ADH4: variants seen among roughly 807,000 people sequenced by gnomAD.
ADH4 encodes the protein alcohol dehydrogenase 4 (class II), pi polypeptide, also known as all-trans-retinol dehydrogenase [NAD(+)] ADH4.
ADH4 carries 31 observed loss-of-function variants against 35.2 expected under a neutral mutation model. That is an observed-to-expected ratio of 0.88 (90% confidence interval 0.66 to 1.19). The LOEUF (loss-of-function observed/expected upper bound fraction) is 1.19, where lower values mean the gene tolerates loss of function less well. ADH4 is among the 50% of genes most tolerant of loss of function. The probability of loss-of-function intolerance (pLI) is 0.00; values close to 1 mark genes in which losing one functional copy is unlikely to be tolerated. For synonymous variants in ADH4, 171 were observed against 160.2 expected, an observed-to-expected ratio of 1.07 and a Z score of -0.51; for missense variants, 476 against 458.3, an observed-to-expected ratio of 1.04 and a Z score of -0.35.
chr4:99,134,915 C>A (rs1729390195), intron 5 of ADH4, among the ~76,000 whole-genome samples: 1 of 150,966 alleles, frequency 6.6e-6, no homozygotes, highest in South Asian at 2.1e-4. Flanking sequence ...ATAAGAAGGA[C>A]TTTCTGGATT....
chr4:99,124,815 T>C (rs1729031870), intron 8 of ADH4, among the ~76,000 whole-genome samples: 1 of 152,116 alleles, frequency 6.6e-6, no homozygotes, highest in Non-Finnish European at 1.5e-5. Context: ...GAGGGCAAAG[T>C]TGAGCATTGA....
rs922299293 is a variant in ADH4 at position 99,142,671 on chromosome 4, C to A, written c.120+8G>T. The A allele has an allele frequency of 2.6e-6, 4 of 1,554,882 alleles. No individual in the cohort carries two copies. The Admixed American group carries it at 5.9e-5, about 23-fold the overall frequency. On this transcript the variant is annotated splice_region_variant and intron_variant, in intron 2 of 8. Transcript: ENST00000265512. ...GTCTGTTCCCACCCAAGGAAAGTCTCCACTTACCTGAATGCGAACTTCATG... is the reference window on the plus strand; with the variant it reads ...GTCTGTTCCCACCCAAGGAAAGTCTACACTTACCTGAATGCGAACTTCATG...
In ADH4 at chr4:99,124,294, A is replaced by G. The variant is rs1302627956; in HGVS notation, c.*148T>C. ...CATATATATAACAGGTACAAAGTCT[A>G]TAATATTTAAAGCTCTTTTATGTTC... On this transcript the variant is annotated 3_prime_UTR_variant, in exon 9 of 9. Coordinates refer to ENST00000265512, the MANE Select transcript of ADH4 (RefSeq NM_000670.5). 6.4e-6 allele frequency: 4 copies of G among 620,906 alleles called. No homozygotes were observed. The highest frequency in any genetic ancestry group is 1.9e-5 in the African/African-American group (1 of 51,724). The allele number at this position is 620,906 out of a possible 1,614,324, so 38.5% of individuals were successfully genotyped here. A position where few individuals can be genotyped will look rare whatever the true frequency, so the allele number is the denominator to read the frequency against.
chr4:99,139,140 C>CT lies in ADH4; in HGVS notation c.270dup (p.Val91SerfsTer10). 6.2e-7 allele frequency: 1 copy of CT among 1,612,278 alleles called. No homozygotes were observed. Among genetic ancestry groups the CT allele is most frequent in the Non-Finnish European group, 8.5e-7 (1 of 1,178,824 alleles). On this transcript the variant is annotated frameshift_variant, in exon 4 of 9. Transcript: ENST00000265512. LOFTEE classifies it high-confidence loss of function. ...CATAGAGGTGCATAAAGTGGAATTA[C>CT]TTTGTCACCTAGAAAGAAAGGCCAT... is the stretch of plus-strand genomic sequence containing the variant.
chr4:99,133,791 G>A (rs1729356514), intron 5 of ADH4: 3 of 152,108 alleles, frequency 2.0e-5, no homozygotes, highest in African/African-American at 7.2e-5. Context: ...AAGGAAAACA[G>A]AAAATCTGCT....
chr4:99,135,362 A>G (rs555366356), intron 5 of ADH4, among the ~76,000 whole-genome samples: 15 of 152,244 alleles, frequency 9.9e-5, no homozygotes, highest in Non-Finnish European at 2.1e-4. Flanking sequence ...CCAGGAGGTC[A>G]AGGCTGCAGT....
chr4:99,129,204 T>C (rs1326542981), intron 6 of ADH4, among the ~76,000 whole-genome samples: 2 of 151,998 alleles, frequency 1.3e-5, no homozygotes, highest in African/African-American at 4.8e-5. Context: ...TGTAAAGTTA[T>C]AAATATAAAA....
At chr4:99,126,296 C>CATT (rs3049429) in intron 8 of ADH4, among the ~76,000 whole-genome samples, 148,719 of 152,206 alleles carry the variant, frequency 0.98, 72,670 homozygotes, top group Middle Eastern at 1. Flanking sequence ...AGGGATCTAA[C>CATT]ATACTACACA....
intron 5 of ADH4, 79 bp from the exon 6 acceptor site, chr4:99,131,843 G>T: frequency 6.8e-7 from 1 of 1,467,690 alleles, no homozygotes; most frequent in Non-Finnish European, 9.1e-7. Context: ...GGAGGAAGTG[G>T]GGGCATGAAC....
At chr4:99,130,244 C>T (rs940265665) in intron 6 of ADH4, among the ~76,000 whole-genome samples, 2 of 152,094 alleles carry the variant, frequency 1.3e-5, no homozygotes, top group African/African-American at 2.4e-5. Flanking sequence ...TTGACAAACA[C>T]TTTCAAAATT....
intron 6 of ADH4, among the ~76,000 whole-genome samples, chr4:99,130,281 T>C (rs1729231481): frequency 1.3e-5 from 2 of 152,338 alleles, no homozygotes; most frequent in African/African-American, 4.8e-5. Context: ...CTCTGACTTA[T>C]TGCTGGGGGT....
intron 6 of ADH4, among the ~76,000 whole-genome samples, chr4:99,131,236 T>G (rs1286619913): frequency 6.6e-6 from 1 of 152,084 alleles, no homozygotes; most frequent in Admixed American, 6.5e-5. Flanking sequence ...AAAATCAGCA[T>G]CTACAAATAA....
intron 6 of ADH4, among the ~76,000 whole-genome samples, chr4:99,130,928 GTTAATA>G (rs777047220): frequency 3.9e-5 from 6 of 151,986 alleles, no homozygotes; most frequent in Non-Finnish European, 4.4e-5. Context: ...ATTAACAAAT[GTTAATA>G]TTAATAATGT....
At chr4:99,135,010 T>C (rs1729393002) in intron 5 of ADH4, among the ~76,000 whole-genome samples, 1 of 152,138 alleles carries the variant, frequency 6.6e-6, no homozygotes, top group Admixed American at 6.6e-5. Flanking sequence ...CAAGCTCCTG[T>C]TATGTGCCAG....
intron 6 of ADH4, among the ~76,000 whole-genome samples, chr4:99,128,187 C>T (rs1411478779): frequency 6.6e-6 from 1 of 152,056 alleles, no homozygotes; most frequent in Non-Finnish European, 1.5e-5. Context: ...GTAATCCCAG[C>T]ACTTTGGGAG....
chr4:99,137,648 G>C (rs765697072), intron 4 of ADH4, among the ~76,000 whole-genome samples: 25 of 152,142 alleles, frequency 1.6e-4, no homozygotes, highest in Non-Finnish European at 2.5e-4. Context: ...CATTTTTGTT[G>C]TGGAAAATTT....
intron 5 of ADH4, among the ~76,000 whole-genome samples, chr4:99,134,016 A>G (rs928118438): frequency 6.6e-6 from 1 of 152,218 alleles, no homozygotes; most frequent in Non-Finnish European, 1.5e-5. Flanking sequence ...TGGTGAAAAC[A>G]TGGATAAACC....
intron 8 of ADH4, among the ~76,000 whole-genome samples, chr4:99,124,902 C>A (rs29001235): frequency 0.02 from 1,328 of 67,024 alleles, 20 homozygotes; most frequent in African/African-American, 0.084. Context: ...TTCTGGGTAA[C>A]TCCAACATGT....
At chr4:99,134,037 T>C (rs529814646) in intron 5 of ADH4, among the ~76,000 whole-genome samples, 17 of 152,256 alleles carry the variant, frequency 1.1e-4, no homozygotes, top group African/African-American at 3.9e-4. Context: ...TGGAGGACAT[T>C]ATGTCAGGTG....
Sources: gnomAD v4.1 joint callset for allele counts (sites outside exome capture counted in the v4.1 genomes callset) on GRCh38, gnomAD v4.1.1 for gene constraint, MANE v1.5 for transcripts, NCBI Gene and HGNC (gene_info 2026-07-23, HGNC 2026-07-21) for gene names.